The following HSDL2 variants were observed in gnomAD, a reference collection of about 807,000 sequenced individuals.
HSDL2 encodes hydroxysteroid dehydrogenase like 2, also known as hydroxysteroid dehydrogenase-like protein 2.
Under a neutral mutation model 46.3 loss-of-function variants are expected in HSDL2, and 27 were observed. The ratio of observed to expected loss-of-function variants is 0.58; its 90% CI spans 0.43 to 0.80. The LOEUF is 0.80. Among genes scored for constraint, HSDL2 ranks in the 30% least tolerant of loss-of-function variants. The pLI, the probability that HSDL2 is intolerant of heterozygous loss-of-function variation, is 0.00. For synonymous variants in HSDL2, 153 were observed against 163.6 expected, an observed-to-expected ratio of 0.94 and a Z score of 0.50; for missense variants, 451 against 502.7, an observed-to-expected ratio of 0.90 and a Z score of 0.98.
chr9:112,409,492 G>C (rs1028700266), intron 4 of HSDL2, among the ~76,000 whole-genome samples: 3 of 151,960 alleles, frequency 2.0e-5, no homozygotes, highest in Admixed American at 2.0e-4. Flanking sequence ...TGCCCAGCCC[G>C]ATAGTATTTT....
chr9:112,386,623 A>G (rs1241326724), intron 1 of HSDL2, among the ~76,000 whole-genome samples: 1 of 151,474 alleles, frequency 6.6e-6, no homozygotes, highest in Non-Finnish European at 1.5e-5. Flanking sequence ...CTCTACCAAA[A>G]AAAAATAAAA....
chr9:112,456,835 G>A (rs1028200693), intron 9 of HSDL2, among the ~76,000 whole-genome samples: 1 of 152,020 alleles, frequency 6.6e-6, no homozygotes, highest in African/African-American at 2.4e-5. Flanking sequence ...GGGCAGTGTC[G>A]ATCCACACCC....
At chr9:112,449,382 C>A (rs1032194037) in intron 8 of HSDL2, among the ~76,000 whole-genome samples, 2 of 151,926 alleles carry the variant, frequency 1.3e-5, no homozygotes, top group Non-Finnish European at 2.9e-5. Flanking sequence ...CCACCACGCC[C>A]AGCCTCTTTC....
At chr9:112,454,467 C>T (rs1382959357) in intron 9 of HSDL2, among the ~76,000 whole-genome samples, 2 of 151,574 alleles carry the variant, frequency 1.3e-5, no homozygotes, top group Non-Finnish European at 2.9e-5. Flanking sequence ...ATTTTTATTT[C>T]TAGATTAAGA....
rs1216951500 is a variant in HSDL2 at position 112,459,550 on chromosome 9, A to C, written c.1117A>C (p.Thr373Pro). The C allele has an allele frequency of 1.2e-6, 2 of 1,613,754 alleles. No homozygotes were observed. Among genetic ancestry groups the C allele is most frequent in the Admixed American group, 1.7e-5 (1 of 60,026 alleles). Reference sequence around the variant, plus strand: ...GGCAGATGTGGTGATGAGTATGACTACTGATGACTTTGTAAAAATGTTTTC... The same window carrying C: ...GGCAGATGTGGTGATGAGTATGACTCCTGATGACTTTGTAAAAATGTTTTC... Reference protein sequence around the residue: ...DQADVVMSMTTDDFVKMFSGK... With the variant: ...DQADVVMSMTPDDFVKMFSGK... Residue 373 changes from threonine to proline, a missense_variant, in exon 10 of 11, where the codon ACT becomes CCT. Coordinates refer to ENST00000398805, the MANE Select transcript of HSDL2 (RefSeq NM_032303.5).
At chr9:112,442,107 T>C (rs1401969598) in intron 8 of HSDL2, among the ~76,000 whole-genome samples, 1 of 149,066 alleles carries the variant, frequency 6.7e-6, no homozygotes, top group Non-Finnish European at 1.5e-5. Context: ...ACAAAAAAAA[T>C]ACAAAAAAAA....
intron 1 of HSDL2, among the ~76,000 whole-genome samples, chr9:112,401,190 T>C (rs1444752023): frequency 6.6e-6 from 1 of 152,148 alleles, no homozygotes; most frequent in African/African-American, 2.4e-5. Context: ...TTAAATGAAC[T>C]TAATTTAATG....
intron 1 of HSDL2, among the ~76,000 whole-genome samples, chr9:112,393,032 G>C (rs1267318309): frequency 6.6e-6 from 1 of 152,132 alleles, no homozygotes; most frequent in Non-Finnish European, 1.5e-5. Flanking sequence ...TGGCGATGAA[G>C]GCTTGTTCGT....
chr9:112,434,382 C>A (rs763897693), intron 6 of HSDL2, among the ~76,000 whole-genome samples: 1 of 152,176 alleles, frequency 6.6e-6, no homozygotes, highest in Non-Finnish European at 1.5e-5. Flanking sequence ...ACTCAGCTAA[C>A]CAGGGAGGGT....
At chr9:112,416,335 G>C (rs1342377943) in intron 4 of HSDL2, among the ~76,000 whole-genome samples, 2 of 151,664 alleles carry the variant, frequency 1.3e-5, no homozygotes, top group African/African-American at 4.8e-5. Context: ...AGGCTGAGGT[G>C]AGAGGACCAC....
At chr9:112,384,732 G>A (rs1275132828) in intron 1 of HSDL2, among the ~76,000 whole-genome samples, 2 of 150,370 alleles carry the variant, frequency 1.3e-5, no homozygotes, top group Non-Finnish European at 2.9e-5. Context: ...AAAAAGCTGA[G>A]CCTTGAACAA....
At chr9:112,405,547 T>G in intron 2 of HSDL2, 77 bp from the exon 3 acceptor site, 1 of 1,035,518 alleles carries the variant, frequency 9.7e-7, no homozygotes, top group Non-Finnish European at 1.4e-6. Flanking sequence ...ACTTTTTTCT[T>G]TTGACTGTGA....
intron 6 of HSDL2, among the ~76,000 whole-genome samples, chr9:112,423,363 C>T (rs986139694): frequency 1.3e-4 from 20 of 152,060 alleles, no homozygotes; most frequent in Admixed American, 3.9e-4. Context: ...TTTTTTGAGA[C>T]GGAGTTTCGT....
intron 6 of HSDL2, among the ~76,000 whole-genome samples, chr9:112,427,707 C>T (rs373075613): frequency 1.3e-5 from 2 of 151,506 alleles, no homozygotes; most frequent in East Asian, 2.0e-4. Context: ...TTCTGTCATT[C>T]CAGATTTTCC....
rs1298551916 is a variant in HSDL2, at chr9:112,459,503, G to A, written c.1070G>A (p.Gly357Glu). ...CTGAAAAGCAAGGGTGGGAATGTCG[G>A]ATATGGAGAGCCTTCTGATCAGGCA... ...LDLKSKGGNV[G>E]YGEPSDQADV... Residue 357 changes from glycine to glutamate, a missense_variant, in exon 10 of 11, where the codon GGA becomes GAA. Coordinates refer to ENST00000398805, the MANE Select transcript of HSDL2 (RefSeq NM_032303.5). 6.2e-7 allele frequency: 1 copy of A among 1,613,952 alleles called. No homozygotes were observed. Among genetic ancestry groups the A allele is most frequent in the Non-Finnish European group, 8.5e-7 (1 of 1,179,818 alleles).
At chr9:112,430,818 C>T (rs1486865821) in intron 6 of HSDL2, among the ~76,000 whole-genome samples, 1 of 151,896 alleles carries the variant, frequency 6.6e-6, no homozygotes, top group Non-Finnish European at 1.5e-5. Context: ...TTGGGGAGGC[C>T]CAGGTGGGTG....
At chr9:112,393,526 C>T (rs1277419588) in intron 1 of HSDL2, among the ~76,000 whole-genome samples, 1 of 152,212 alleles carries the variant, frequency 6.6e-6, no homozygotes, top group Non-Finnish European at 1.5e-5. Flanking sequence ...GTGGAATTGG[C>T]TTGCCAATCA....
At chr9:112,419,284 A>G (rs557632032) in intron 6 of HSDL2, among the ~76,000 whole-genome samples, 1 of 152,270 alleles carries the variant, frequency 6.6e-6, no homozygotes, top group South Asian at 2.1e-4. Flanking sequence ...GATTACAAGC[A>G]TGAGCCACCA....
intron 9 of HSDL2, 91 bp downstream of exon 9, chr9:112,454,253 G>A: frequency 9.7e-7 from 1 of 1,028,318 alleles, no homozygotes. Flanking sequence ...GTGATCCCCT[G>A]GATAGTTGGC....
Sources: allele counts gnomAD v4.1 joint callset (sites outside exome capture counted in the v4.1 genomes callset), GRCh38; gene constraint gnomAD v4.1.1; transcripts MANE v1.5; gene names NCBI Gene and HGNC (gene_info 2026-07-23, HGNC 2026-07-21).